Variants in PTPN3 observed in about 807,000 individuals in gnomAD.
The protein encoded by PTPN3 is tyrosine-protein phosphatase non-receptor type 3.
PTPN3 carries 96 observed loss-of-function variants against 132.7 expected under a neutral mutation model. That is an observed-to-expected ratio of 0.72 (90% confidence interval 0.61 to 0.86). PTPN3 has a LOEUF of 0.86. Ranked by LOEUF, PTPN3 falls within the 40% of genes least tolerant of loss-of-function variation. PTPN3 has a pLI of 0.00. For synonymous variants in PTPN3, 398 were observed against 429.0 expected (o/e 0.93, Z 0.89); for missense variants, 1,125 against 1,159.6 (o/e 0.97, Z 0.43).
the PTPN3 span, among the ~76,000 whole-genome samples, chr9:109,529,338 A>G: frequency 6.6e-6 from 1 of 152,154 alleles, no homozygotes; most frequent in Non-Finnish European, 1.5e-5. Context: ...TAGATCAGAA[A>G]CTCTGGGCTG....
chr9:109,482,433 T>A (rs1357279040), intron 1 of PTPN3, among the ~76,000 whole-genome samples: 1 of 152,110 alleles, frequency 6.6e-6, no homozygotes, highest in Non-Finnish European at 1.5e-5. Flanking sequence ...AACAAAGGAA[T>A]CTGAAAGACA....
At chr9:109,521,216 T>A in the PTPN3 span, among the ~76,000 whole-genome samples, 1 of 152,064 alleles carries the variant, frequency 6.6e-6, no homozygotes, top group Non-Finnish European at 1.5e-5. Context: ...TGGAGTGCAG[T>A]GGTGGAATCA....
intron 1 of PTPN3, among the ~76,000 whole-genome samples, chr9:109,491,164 C>T (rs945713565): frequency 6.6e-6 from 1 of 150,416 alleles, no homozygotes; most frequent in African/African-American, 2.5e-5. Context: ...CCACTGCACT[C>T]CAGCCTGGGT....
At chr9:109,492,308 C>T (rs1847497747) in intron 1 of PTPN3, among the ~76,000 whole-genome samples, 2 of 152,112 alleles carry the variant, frequency 1.3e-5, no homozygotes, top group Non-Finnish European at 1.5e-5. Context: ...ACTCCTACGC[C>T]AGGGGACCCT....
rs1847759050 is a variant in PTPN3, at chr9:109,498,026, T to G, written c.-18+193A>C. On this transcript the variant is annotated intron_variant, in intron 1 of 25. Transcript: ENST00000374541. The surrounding 1 kb of genome is among the most constrained non-coding windows in gnomAD (Gnocchi z 4.2). ...GCCCTCCCGCCCCGGCCCCGCCAGGTGAGCGCAGCGGGGCGCCCCCTCCCC... is the reference window on the plus strand; with the variant it reads ...GCCCTCCCGCCCCGGCCCCGCCAGGGGAGCGCAGCGGGGCGCCCCCTCCCC... Among the ~76,000 whole-genome samples, 2 of 134,462 alleles carry G rather than the reference T, an allele frequency of 1.5e-5. No individual in the cohort carries two copies. Among genetic ancestry groups the G allele is most frequent in the African/African-American group, 5.5e-5 (2 of 36,434 alleles). The allele number at this position is 134,462 out of a possible 152,430, so 88.2% of individuals were successfully genotyped here.
intron 22 of PTPN3, among the ~76,000 whole-genome samples, chr9:109,388,793 T>C (rs1280925665): frequency 6.6e-6 from 1 of 152,102 alleles, no homozygotes; most frequent in Non-Finnish European, 1.5e-5. Context: ...GAGTCAACTT[T>C]ACAGGGAAGA....
At chr9:109,473,157 C>T (rs917533541) in intron 1 of PTPN3, among the ~76,000 whole-genome samples, 14 of 152,206 alleles carry the variant, frequency 9.2e-5, no homozygotes, top group Admixed American at 3.3e-4. Context: ...TTTAATAATA[C>T]AGCACAATAC....
intron 1 of PTPN3, among the ~76,000 whole-genome samples, chr9:109,470,270 A>T (rs1377008733): frequency 6.6e-6 from 1 of 152,190 alleles, no homozygotes; most frequent in East Asian, 1.9e-4. Flanking sequence ...CACTGTAGAC[A>T]CACAGATGCT....
intron 14 of PTPN3, among the ~76,000 whole-genome samples, chr9:109,416,985 C>T (rs1395302599): frequency 6.6e-6 from 1 of 152,174 alleles, no homozygotes; most frequent in East Asian, 1.9e-4. Context: ...TTCTGCATGT[C>T]TCTTTCTTTA....
At chr9:109,407,672 G>A (rs1420745918) in intron 17 of PTPN3, among the ~76,000 whole-genome samples, 1 of 152,122 alleles carries the variant, frequency 6.6e-6, no homozygotes, top group African/African-American at 2.4e-5. Flanking sequence ...AGCCTCCTGA[G>A]TAGCTGGGAT....
intron 11 of PTPN3, 74 bp downstream of exon 11, chr9:109,428,547 C>CTG: frequency 6.7e-7 from 1 of 1,498,298 alleles, no homozygotes. Flanking sequence ...GTTTGGGCAA[C>CTG]ATAGCGAGAC....
chr9:109,383,239 C>T, intron 23 of PTPN3, 184 bp downstream of exon 23: 1 of 987,376 alleles, frequency 1.0e-6, no homozygotes, highest in Non-Finnish European at 1.5e-6. Context: ...GCACCTCGTG[C>T]CTGTTGTGAC....
chr9:109,420,749 C>T, intron 13 of PTPN3, 149 bp from the exon 14 acceptor site: 2 of 815,884 alleles, frequency 2.5e-6, no homozygotes, highest in Non-Finnish European at 3.7e-6. Flanking sequence ...CTCATTACTA[C>T]CCCAGCAGAA....
rs113010071 is a variant in PTPN3, at chr9:109,430,816, C to T, written c.765-2132G>A. The stretch of plus-strand genomic sequence containing the variant: ...CCATGACCTGGCCCCTCTCCTGCTG[C>T]TCCTCATGCCCATGGCCAGCTCCAG... On this transcript the variant is annotated intron_variant, in intron 10 of 25. Transcript: ENST00000374541. 7.0e-3 allele frequency among the ~76,000 whole-genome samples: 1,069 copies of T among 152,330 alleles called. 13 individuals are homozygous for T. Among genetic ancestry groups the T allele is most frequent in the African/African-American group, 0.024 (1,005 of 41,572 alleles).
At chr9:109,487,177 C>A (rs1847253511) in intron 1 of PTPN3, among the ~76,000 whole-genome samples, 1 of 152,174 alleles carries the variant, frequency 6.6e-6, no homozygotes. Context: ...GGATAAAGGG[C>A]AGCAGAGGAA....
chr9:109,451,575 C>A (rs987884453), intron 5 of PTPN3, among the ~76,000 whole-genome samples: 1 of 152,258 alleles, frequency 6.6e-6, no homozygotes, highest in African/African-American at 2.4e-5. Context: ...CACCTGAAGG[C>A]AGCCTTCATT....
chr9:109,490,663 C>A (rs1345908470), intron 1 of PTPN3, among the ~76,000 whole-genome samples: 1 of 151,790 alleles, frequency 6.6e-6, no homozygotes, highest in Non-Finnish European at 1.5e-5. Flanking sequence ...TGCTTGAACC[C>A]AGGAGTCGGA....
intron 14 of PTPN3, among the ~76,000 whole-genome samples, chr9:109,418,616 G>A (rs1453041450): frequency 6.6e-6 from 1 of 152,242 alleles, no homozygotes; most frequent in African/African-American, 2.4e-5. Context: ...CTAGATGAGT[G>A]CTGCTGACAA....
chr9:109,438,058 A>G, intron 8 of PTPN3, 56 bp downstream of exon 8: 4 of 1,546,950 alleles, frequency 2.6e-6, no homozygotes, highest in Admixed American at 2.0e-5. Context: ...AAGGGATATG[A>G]TGTCTGAAAA....
Sources: gnomAD v4.1 joint callset for allele counts (sites outside exome capture counted in the v4.1 genomes callset) on GRCh38, gnomAD v4.1.1 for gene constraint, Gnocchi (gnomAD v3.1) non-coding constraint, MANE v1.5 for transcripts, NCBI Gene and HGNC (gene_info 2026-07-23, HGNC 2026-07-21) for gene names.